Variants in SND1 observed in about 807,000 individuals in gnomAD.
The protein encoded by SND1 is staphylococcal nuclease domain-containing protein 1.
In SND1, 38 loss-of-function variants were observed where a neutral mutation model predicts 121.7. That is an observed-to-expected ratio of 0.31 (90% confidence interval 0.24 to 0.41). SND1 has a LOEUF of 0.41. Among genes scored for constraint, SND1 ranks in the 10% least tolerant of loss-of-function variants. The pLI, the probability that SND1 is intolerant of heterozygous loss-of-function variation, is 1.00. For missense variants in SND1, 868 were observed against 1,184.6 expected, an observed-to-expected ratio of 0.73 and a Z score of 3.92; for synonymous variants, 401 against 447.4, an observed-to-expected ratio of 0.90 and a Z score of 1.31.
chr7:128,033,468 G>T (rs2116995522), intron 16 of SND1, among the ~76,000 whole-genome samples: 1 of 152,244 alleles, frequency 6.6e-6, no homozygotes. Flanking sequence ...CATCACCTGC[G>T]CGTGGGCTGT....
intron 3 of SND1, 91 bp downstream of exon 3, chr7:127,695,039 G>GAA: frequency 6.6e-7 from 1 of 1,505,596 alleles, no homozygotes; most frequent in Non-Finnish European, 9.0e-7. Flanking sequence ...GTGGGTTCTG[G>GAA]TGGAGGAAGC....
chr7:127,996,682 A>G (rs1802666188), intron 16 of SND1, among the ~76,000 whole-genome samples: 1 of 152,160 alleles, frequency 6.6e-6, no homozygotes, highest in Non-Finnish European at 1.5e-5. Context: ...ACCCTCTCCG[A>G]GCCACAAATA....
At chr7:128,017,501 TTC>T (rs1025949480) in intron 16 of SND1, among the ~76,000 whole-genome samples, 1 of 152,322 alleles carries the variant, frequency 6.6e-6, no homozygotes, top group Middle Eastern at 3.4e-3. Context: ...GGTGGCTCTG[TTC>T]TCTCTGGGGG....
chr7:127,995,808 G>A (rs1802636635), intron 16 of SND1, among the ~76,000 whole-genome samples: 1 of 152,238 alleles, frequency 6.6e-6, no homozygotes, highest in Non-Finnish European at 1.5e-5. Flanking sequence ...AGAGATCAGT[G>A]TCATAGTTTA....
chr7:127,723,977 T>C (rs1796540470), intron 10 of SND1, among the ~76,000 whole-genome samples: 1 of 152,240 alleles, frequency 6.6e-6, no homozygotes, highest in Non-Finnish European at 1.5e-5. Context: ...TACATTTTAA[T>C]TCATCATAGC....
chr7:128,048,574 C>A (rs1226885863), intron 16 of SND1, among the ~76,000 whole-genome samples: 1 of 151,990 alleles, frequency 6.6e-6, no homozygotes, highest in East Asian at 1.9e-4. Context: ...GAAAAACACG[C>A]AGCCTGTTTG....
chr7:127,759,658 C>A (rs1028916672), intron 10 of SND1, among the ~76,000 whole-genome samples: 23 of 151,974 alleles, frequency 1.5e-4, no homozygotes, highest in African/African-American at 5.6e-4. Flanking sequence ...TTGATAAGCT[C>A]TAGAGAATAC....
intron 12 of SND1, among the ~76,000 whole-genome samples, chr7:127,852,178 T>TA (rs1554434990): frequency 1.3e-5 from 1 of 78,330 alleles, no homozygotes; most frequent in Admixed American, 1.3e-4. Flanking sequence ...TAAAATAAAA[T>TA]AAATAAAATA....
At chr7:127,986,590 T>TA (rs1314046394) in intron 15 of SND1, among the ~76,000 whole-genome samples, 1 of 152,256 alleles carries the variant, frequency 6.6e-6, no homozygotes, top group African/African-American at 2.4e-5. Context: ...TGATTTTATT[T>TA]CCTTTTGTTT....
At chr7:128,055,470 A>T (rs968777923) in intron 16 of SND1, among the ~76,000 whole-genome samples, 10 of 152,194 alleles carry the variant, frequency 6.6e-5, no homozygotes, top group African/African-American at 2.4e-4. Flanking sequence ...CCCTAACCTG[A>T]CCACCTCCCA....
chr7:128,044,114 G>C (rs1201366473), intron 16 of SND1, among the ~76,000 whole-genome samples: 3 of 152,192 alleles, frequency 2.0e-5, no homozygotes, highest in Non-Finnish European at 4.4e-5. Context: ...TTCACATCTG[G>C]GTATGTGGAG....
intron 16 of SND1, chr7:128,030,405 T>C (rs767577383): frequency 1.2e-6 from 2 of 1,613,846 alleles, no homozygotes; most frequent in South Asian, 1.1e-5. Flanking sequence ...GAGGTTGAGG[T>C]ACCGGGTGTT....
chr7:128,083,661 A>G (rs1793643060), intron 18 of SND1, among the ~76,000 whole-genome samples: 1 of 152,250 alleles, frequency 6.6e-6, no homozygotes, highest in South Asian at 2.1e-4. Flanking sequence ...GGAACTTATA[A>G]GGCTGACTGT....
chr7:127,707,274 A>G (rs1350676646), intron 8 of SND1, among the ~76,000 whole-genome samples: 20 of 152,194 alleles, frequency 1.3e-4, no homozygotes, highest in Admixed American at 1.3e-3. Flanking sequence ...GTCACCCAGG[A>G]GATATTAGAT....
chr7:128,042,478 G>C (rs73455771), intron 16 of SND1: 5 of 152,318 alleles, frequency 3.3e-5, no homozygotes, highest in East Asian at 1.9e-4. Context: ...AGTGGAAAAG[G>C]GGGGAGATGA....
chr7:127,832,476 G>C (rs325449), intron 11 of SND1, among the ~76,000 whole-genome samples: 8,204 of 152,266 alleles, frequency 0.054, 642 homozygotes, highest in African/African-American at 0.17. Context: ...AGTAGATAAA[G>C]GTGGGAAAAT....
intron 15 of SND1, among the ~76,000 whole-genome samples, chr7:127,939,798 T>C (rs1415608543): frequency 6.6e-6 from 1 of 152,174 alleles, no homozygotes; most frequent in African/African-American, 2.4e-5. Flanking sequence ...ACCCTTGCTG[T>C]TAGATGATAG....
chr7:127,670,351 C>T (rs1397384066), intron 1 of SND1, among the ~76,000 whole-genome samples: 5 of 152,050 alleles, frequency 3.3e-5, no homozygotes, highest in Admixed American at 6.6e-5. Context: ...CTCCTTGGCT[C>T]AAGCCATCCT....
At chr7:127,857,318 G>A (rs1230262141) in intron 12 of SND1, among the ~76,000 whole-genome samples, 3 of 141,476 alleles carry the variant, frequency 2.1e-5, no homozygotes, top group African/African-American at 7.8e-5. Context: ...TCAACCTCCC[G>A]AGCAGCTGGG....
Sources: allele counts gnomAD v4.1 joint callset (sites outside exome capture counted in the v4.1 genomes callset), GRCh38; gene constraint gnomAD v4.1.1; transcripts MANE v1.5; gene names NCBI Gene and HGNC (gene_info 2026-07-23, HGNC 2026-07-21).